EVI5: variants seen among roughly 807,000 people sequenced by gnomAD.
The protein encoded by EVI5 is ecotropic viral integration site 5 protein homolog.
EVI5 carries 73 observed loss-of-function variants against 112.0 expected under a neutral mutation model. The observed-to-expected ratio is 0.65, with a 90% CI of 0.54 to 0.79. The LOEUF is 0.79. Ranked by LOEUF, EVI5 falls within the 30% of genes least tolerant of loss-of-function variation. EVI5 has a pLI of 0.00. For missense variants in EVI5, 900 were observed against 968.8 expected, an observed-to-expected ratio of 0.93 and a Z score of 0.94; for synonymous variants, 305 against 319.9, an observed-to-expected ratio of 0.95 and a Z score of 0.50.
chr1:92,515,770 T>C (rs1425944779), intron 19 of EVI5, among the ~76,000 whole-genome samples: 1 of 152,152 alleles, frequency 6.6e-6, no homozygotes, highest in East Asian at 1.9e-4. Flanking sequence ...AGCCTCACCA[T>C]AATACCTCCC....
At chr1:92,630,519 GT>G (rs1348224516) in intron 14 of EVI5, among the ~76,000 whole-genome samples, 1 of 151,978 alleles carries the variant, frequency 6.6e-6, no homozygotes, top group Non-Finnish European at 1.5e-5. Flanking sequence ...GGGGTTGTTT[GT>G]TTTTTTCTTG....
At chr1:92,528,594 C>T (rs1662316258) in intron 19 of EVI5, among the ~76,000 whole-genome samples, 1 of 152,206 alleles carries the variant, frequency 6.6e-6, no homozygotes, top group Non-Finnish European at 1.5e-5. Context: ...ACAATATATT[C>T]ATATGAGATA....
chr1:92,529,484 T>C (rs934663805), intron 19 of EVI5, among the ~76,000 whole-genome samples: 1 of 152,254 alleles, frequency 6.6e-6, no homozygotes, highest in Non-Finnish European at 1.5e-5. Context: ...TTGTGTCATA[T>C]GTATTCATGC....
intron 2 of EVI5, among the ~76,000 whole-genome samples, chr1:92,710,888 G>A (rs913452290): frequency 5.3e-5 from 8 of 152,176 alleles, no homozygotes; most frequent in African/African-American, 1.9e-4. Flanking sequence ...GTGGGACTGG[G>A]GAATAAGTTG....
At chr1:92,787,947 A>T (rs144730429), upstream of EVI5, among the ~76,000 whole-genome samples, 10 of 149,232 alleles carry the variant, frequency 6.7e-5, no homozygotes, top group East Asian at 2.0e-3. Flanking sequence ...AGAGTGTCAT[A>T]CTGTTCCATT....
chr1:92,647,079 C>T, intron 13 of EVI5: 1 of 194,386 alleles, frequency 5.1e-6, no homozygotes, highest in Non-Finnish European at 1.1e-5. Flanking sequence ...CCTCCTCCTC[C>T]TCTTCCTCAC....
At chr1:92,563,854 G>A (rs1208666820) in intron 18 of EVI5, 117 bp from the exon 19 acceptor site, 2 of 507,352 alleles carry the variant, frequency 3.9e-6, no homozygotes, top group Non-Finnish European at 7.1e-6. Context: ...CCTGAATTCT[G>A]AACAAATCCA....
At chr1:92,777,903 C>A (rs868829063) in intron 1 of EVI5, among the ~76,000 whole-genome samples, 1 of 126,510 alleles carries the variant, frequency 7.9e-6, no homozygotes, top group Non-Finnish European at 1.6e-5. Flanking sequence ...TCAAAGATGC[C>A]AAAATCTTTT....
At chr1:92,678,934 A>G (rs1667169172) in intron 9 of EVI5, among the ~76,000 whole-genome samples, 1 of 152,216 alleles carries the variant, frequency 6.6e-6, no homozygotes, top group Non-Finnish European at 1.5e-5. Context: ...TTTGACTGCT[A>G]CATTACTCTG....
intron 18 of EVI5, among the ~76,000 whole-genome samples, chr1:92,600,772 G>A (rs573740594): frequency 7.9e-5 from 12 of 152,292 alleles, no homozygotes; most frequent in African/African-American, 2.4e-4. Context: ...CTGGCTGCCC[G>A]CTCACCTCCT....
chr1:92,739,035 G>T (rs1558179280), intron 1 of EVI5, among the ~76,000 whole-genome samples: 2 of 152,002 alleles, frequency 1.3e-5, no homozygotes, highest in Admixed American at 1.3e-4. Flanking sequence ...ACTTTGGGAG[G>T]CCAACGCAGG....
intron 1 of EVI5, among the ~76,000 whole-genome samples, chr1:92,791,865 C>G (rs1222574471): frequency 6.6e-6 from 1 of 152,150 alleles, no homozygotes; most frequent in Non-Finnish European, 1.5e-5. Context: ...GGCAACACTT[C>G]TGAAATCATT....
intron 9 of EVI5, among the ~76,000 whole-genome samples, chr1:92,685,793 C>G (rs533937274): frequency 6.6e-6 from 1 of 152,250 alleles, no homozygotes; most frequent in African/African-American, 2.4e-5. Context: ...ACTAGAAAAT[C>G]TAGAAGAAAT....
chr1:92,723,272 T>C (rs780038351), intron 2 of EVI5, among the ~76,000 whole-genome samples: 2 of 152,196 alleles, frequency 1.3e-5, no homozygotes, highest in Non-Finnish European at 2.9e-5. Context: ...TTAAGTCCAA[T>C]ATCTAATTGT....
rs781236032 is a variant in EVI5 at position 92,563,754 on chromosome 1, C to A, written c.2071-17G>T. Reference sequence around the variant, plus strand: ...TTCTTCTTTCTGTTTTGTGACAAAACAACAAAGCAAAAACAAGAGGCAATT... The same window carrying A: ...TTCTTCTTTCTGTTTTGTGACAAAAAAACAAAGCAAAAACAAGAGGCAATT... On this transcript the variant is annotated splice_polypyrimidine_tract_variant and intron_variant, in intron 18 of 19. Coordinates refer to ENST00000684568, the MANE Select transcript of EVI5 (RefSeq NM_001350197.2). 5.2e-6 allele frequency: 8 copies of A among 1,549,474 alleles called. No individual in the cohort carries two copies. Among genetic ancestry groups the A allele is most frequent in the Non-Finnish European group, 7.1e-6 (8 of 1,127,262 alleles).
intron 2 of EVI5, among the ~76,000 whole-genome samples, chr1:92,719,663 T>C (rs981083983): frequency 1.3e-5 from 2 of 151,910 alleles, no homozygotes; most frequent in Non-Finnish European, 2.9e-5. Flanking sequence ...CTCTCTCCAC[T>C]CCTATTCAAC....
At chr1:92,760,798 T>C (rs1681716800) in intron 1 of EVI5, among the ~76,000 whole-genome samples, 1 of 150,590 alleles carries the variant, frequency 6.6e-6, no homozygotes, top group Non-Finnish European at 1.5e-5. Context: ...GGCTCACGCC[T>C]GTAATCCCAG....
intron 1 of EVI5, among the ~76,000 whole-genome samples, chr1:92,768,395 T>C (rs1197269583): frequency 4.6e-5 from 7 of 152,224 alleles, no homozygotes; most frequent in Admixed American, 3.3e-4. Flanking sequence ...AAGTGTTACA[T>C]ACTCAACTCC....
At chr1:92,546,985 G>C (rs1042470712) in intron 19 of EVI5, among the ~76,000 whole-genome samples, 1 of 152,160 alleles carries the variant, frequency 6.6e-6, no homozygotes, top group Admixed American at 6.6e-5. Flanking sequence ...ACTCAGCTCT[G>C]CACCAAGCGA....
Sources: gnomAD v4.1 joint callset for allele counts (sites outside exome capture counted in the v4.1 genomes callset) on GRCh38, gnomAD v4.1.1 for gene constraint, MANE v1.5 for transcripts, NCBI Gene and HGNC (gene_info 2026-07-23, HGNC 2026-07-21) for gene names.